Variants in CACNB2 observed in about 807,000 individuals in gnomAD.
CACNB2 encodes calcium voltage-gated channel auxiliary subunit beta 2.
A neutral mutation model predicts 73.3 loss-of-function variants in CACNB2; 42 were observed. The ratio of observed to expected loss-of-function variants is 0.57; its 90% CI spans 0.45 to 0.74. CACNB2 has a LOEUF of 0.74. CACNB2 is among the 30% of genes least tolerant of loss of function. The pLI, the probability that CACNB2 is intolerant of heterozygous loss-of-function variation, is 0.00. For synonymous variants in CACNB2, 348 were observed against 310.3 expected (o/e 1.12, Z -1.28); for missense variants, 940 against 853.0 (o/e 1.10, Z -1.27).
At chr10:18,503,755 C>A (rs1409801826) in intron 5 of CACNB2, among the ~76,000 whole-genome samples, 2 of 152,086 alleles carry the variant, frequency 1.3e-5, no homozygotes, top group African/African-American at 4.8e-5. Flanking sequence ...TCAGAATTTT[C>A]TTGTCAAATG....
At chr10:18,336,368 C>T (rs1051477454) in intron 2 of CACNB2, among the ~76,000 whole-genome samples, 1 of 152,128 alleles carries the variant, frequency 6.6e-6, no homozygotes, top group Non-Finnish European at 1.5e-5. Flanking sequence ...TGCTGTAATC[C>T]CACACTTTGG....
chr10:18,345,364 C>T (rs945594549), intron 2 of CACNB2, among the ~76,000 whole-genome samples: 2 of 152,246 alleles, frequency 1.3e-5, no homozygotes, highest in African/African-American at 4.8e-5. Context: ...AATAGTTATA[C>T]AGCATTGTTT....
chr10:18,359,489 G>C (rs534465145), intron 2 of CACNB2, among the ~76,000 whole-genome samples: 1 of 152,098 alleles, frequency 6.6e-6, no homozygotes, highest in South Asian at 2.1e-4. Context: ...GGCCAGGCTC[G>C]TCTTGAATTC....
At chr10:18,334,734 A>G (rs981194059) in intron 2 of CACNB2, among the ~76,000 whole-genome samples, 34 of 152,244 alleles carry the variant, frequency 2.2e-4, no homozygotes, top group African/African-American at 7.0e-4. Flanking sequence ...AAATTGCCCA[A>G]TGTCCCCTGA....
chr10:18,264,736 G>T (rs10764373), intron 2 of CACNB2, among the ~76,000 whole-genome samples: 86,454 of 152,058 alleles, frequency 0.57, 25,071 homozygotes, highest in East Asian at 0.73. Flanking sequence ...GTATTCCATT[G>T]TGTGGCTCTG....
intron 2 of CACNB2, among the ~76,000 whole-genome samples, chr10:18,171,867 G>A (rs1374638308): frequency 2.0e-5 from 3 of 152,070 alleles, no homozygotes; most frequent in African/African-American, 4.8e-5. Context: ...TTACATCAAT[G>A]CTTACATCAG....
At chr10:18,431,887 C>T (rs1384195125) in intron 3 of CACNB2, among the ~76,000 whole-genome samples, 1 of 152,098 alleles carries the variant, frequency 6.6e-6, no homozygotes, top group East Asian at 1.9e-4. Context: ...GACTCAGCCT[C>T]CTGAGTAGCT....
At chr10:18,349,798 T>C (rs2041630083) in intron 2 of CACNB2, among the ~76,000 whole-genome samples, 1 of 152,108 alleles carries the variant, frequency 6.6e-6, no homozygotes. Flanking sequence ...TTCAATGCCA[T>C]TGAACTGTAT....
intron 3 of CACNB2, among the ~76,000 whole-genome samples, chr10:18,430,550 A>G (rs1232405279): frequency 6.6e-6 from 1 of 152,090 alleles, no homozygotes; most frequent in Non-Finnish European, 1.5e-5. Context: ...GGATCCCTGG[A>G]GCCCAGGAGG....
chr10:18,237,418 A>T (rs1038161870), intron 2 of CACNB2, among the ~76,000 whole-genome samples: 1 of 152,206 alleles, frequency 6.6e-6, no homozygotes, highest in African/African-American at 2.4e-5. Flanking sequence ...GGAGGCAGAG[A>T]TGGGGCAGAT....
intron 4 of CACNB2, chr10:18,498,764 AC>A: frequency 2.7e-6 from 1 of 364,410 alleles, no homozygotes; most frequent in Non-Finnish European, 5.1e-6. Flanking sequence ...CTTAACCTAT[AC>A]TTTTTTTTAA....
chr10:18,489,298 G>A (rs1428235533), intron 3 of CACNB2, among the ~76,000 whole-genome samples: 1 of 150,338 alleles, frequency 6.7e-6, no homozygotes, highest in African/African-American at 2.4e-5. Flanking sequence ...GCTGAGGCAG[G>A]AGAATTGCTT....
intron 2 of CACNB2, among the ~76,000 whole-genome samples, chr10:18,167,700 A>G (rs2032949623): frequency 6.6e-6 from 1 of 152,182 alleles, no homozygotes; most frequent in African/African-American, 2.4e-5. Flanking sequence ...AGTGAGGATA[A>G]TAATACAGAA....
chr10:18,445,939 C>A (rs1014153782), intron 3 of CACNB2, among the ~76,000 whole-genome samples: 6 of 152,186 alleles, frequency 3.9e-5, no homozygotes, highest in Admixed American at 3.3e-4. Context: ...GAGGCTGAGG[C>A]AGGAGAATCG....
chr10:18,464,418 T>TAAAATAAAAAAAAAAAAAA (rs1554824204), intron 3 of CACNB2, among the ~76,000 whole-genome samples: 42 of 85,286 alleles, frequency 4.9e-4, no homozygotes, highest in East Asian at 8.1e-4. Context: ...TCTCAAAAAT[T>TAAAATAAAAAAAAAAAAAA]AAAAAAAAAA....
chr10:18,435,801 C>A (rs1358764405), intron 3 of CACNB2, among the ~76,000 whole-genome samples: 1 of 152,008 alleles, frequency 6.6e-6, no homozygotes, highest in Non-Finnish European at 1.5e-5. Context: ...CACCTGCCCC[C>A]CAACCAACCC....
At position 18,536,125 on chromosome 10, in the gene CACNB2, C is replaced by T. The variant is rs919908363; in HGVS notation, c.1231C>T (p.Arg411Ter). ...GGTTTTACAAAGGTTAATAAAATCT[C>T]GAGGGAAATCTCAAGCTAAACACCT... is the stretch of plus-strand genomic sequence containing the variant. ...PKVLQRLIKSRGKSQAKHLNV... is the reference protein window; with the variant it reads ...PKVLQRLIKS Residue 411 changes from arginine to a stop codon, truncating the protein, a stop_gained, in exon 12 of 14, where the codon CGA becomes TGA. Coordinates refer to ENST00000324631, the MANE Select transcript of CACNB2 (RefSeq NM_201596.3). LOFTEE classifies it high-confidence loss of function. The T allele has an allele frequency of 1.9e-6, 3 of 1,609,496 alleles. No homozygotes were observed. The highest frequency in any genetic ancestry group is 2.5e-6 in the Non-Finnish European group (3 of 1,176,482).
chr10:18,263,519 A>G (rs1243583063), intron 2 of CACNB2, among the ~76,000 whole-genome samples: 1 of 152,188 alleles, frequency 6.6e-6, no homozygotes, highest in African/African-American at 2.4e-5. Context: ...TATATTTTAG[A>G]TGTAATATAA....
At chr10:18,335,708 C>G (rs1294502960) in intron 2 of CACNB2, among the ~76,000 whole-genome samples, 1 of 151,258 alleles carries the variant, frequency 6.6e-6, no homozygotes, top group African/African-American at 2.4e-5. Flanking sequence ...CTTAGTTTTT[C>G]CTCATTAGTT....
Sources: allele counts gnomAD v4.1 joint callset (sites outside exome capture counted in the v4.1 genomes callset), GRCh38; gene constraint gnomAD v4.1.1; transcripts MANE v1.5; gene names NCBI Gene and HGNC (gene_info 2026-07-23, HGNC 2026-07-21).